TMEM117: variants seen among roughly 807,000 people sequenced by gnomAD.
TMEM117 encodes the protein transmembrane protein 117.
In TMEM117, 27 loss-of-function variants were observed where a neutral mutation model predicts 52.4. The ratio of observed to expected loss-of-function variants is 0.51; its 90% confidence interval spans 0.38 to 0.71. The LOEUF is 0.71. Among genes scored for constraint, TMEM117 ranks in the 30% least tolerant of loss-of-function variants. The pLI is 0.00. For missense variants in TMEM117, 556 were observed against 630.5 expected (o/e 0.88, Z 1.26); for synonymous variants, 215 against 206.3 (o/e 1.04, Z -0.36).
chr12:44,027,980 C>T (rs117412474), intron 3 of TMEM117, among the ~76,000 whole-genome samples: 8,656 of 152,106 alleles, frequency 0.057, 359 homozygotes, highest in Middle Eastern at 0.11. Flanking sequence ...CCGAGGTGAG[C>T]GGATCACGAG....
intron 3 of TMEM117, among the ~76,000 whole-genome samples, chr12:44,006,733 C>G (rs761851246): frequency 2.0e-5 from 3 of 152,108 alleles, no homozygotes; most frequent in Non-Finnish European, 4.4e-5. Flanking sequence ...TATCTCATAG[C>G]TCCACTTTCA....
chr12:44,097,220 T>G (rs1234557084), intron 3 of TMEM117, among the ~76,000 whole-genome samples: 1 of 151,982 alleles, frequency 6.6e-6, no homozygotes, highest in Non-Finnish European at 1.5e-5. Context: ...AAACAACAGG[T>G]GCTGGAGAGG....
At chr12:43,925,073 C>T (rs1041712265) in intron 2 of TMEM117, among the ~76,000 whole-genome samples, 13 of 152,102 alleles carry the variant, frequency 8.5e-5, no homozygotes, top group African/African-American at 2.7e-4. Context: ...TGATTGTCCT[C>T]GTGCCGTAAT....
chr12:44,331,265 A>G (rs1951267667), intron 6 of TMEM117, among the ~76,000 whole-genome samples: 1 of 151,482 alleles, frequency 6.6e-6, no homozygotes, highest in Middle Eastern at 3.2e-3. Context: ...AAACTCTTTG[A>G]TCATCTAAAT....
intron 4 of TMEM117, among the ~76,000 whole-genome samples, chr12:44,180,022 T>C (rs550989839): frequency 1.3e-5 from 2 of 152,126 alleles, no homozygotes; most frequent in African/African-American, 4.8e-5. Flanking sequence ...AAAGAAGGTT[T>C]ATAACTAACA....
chr12:44,246,210 T>C (rs1042767067), intron 5 of TMEM117, among the ~76,000 whole-genome samples: 1 of 152,182 alleles, frequency 6.6e-6, no homozygotes, highest in Admixed American at 6.5e-5. Flanking sequence ...TATTTTGATA[T>C]ATGTTTGTAA....
chr12:43,975,271 A>G (rs1340093626), intron 3 of TMEM117, among the ~76,000 whole-genome samples: 1 of 152,174 alleles, frequency 6.6e-6, no homozygotes, highest in African/African-American at 2.4e-5. Flanking sequence ...AGGAAAAATA[A>G]AATTAGTTCT....
rs1031932481 is a variant in TMEM117, at chr12:44,389,134, A to G, written c.*462A>G. 6.3e-6 allele frequency: 1 copy of G among 158,948 alleles called. No homozygotes were observed. The highest frequency in any genetic ancestry group is 2.4e-5 in the African/African-American group (1 of 41,474). The allele number at this position is 158,948 out of a possible 1,614,324, so 9.8% of individuals were successfully genotyped here. A position where few individuals can be genotyped will look rare whatever the true frequency, so the allele number is the denominator to read the frequency against. The stretch of plus-strand genomic sequence containing the variant: ...AATAGCTAAATGTGACTCAGGAAGT[A>G]TCTCTTGGTTTCTTATTCAGCAGCA... On this transcript the variant is annotated 3_prime_UTR_variant, in exon 8 of 8. Transcript: ENST00000266534.
chr12:43,830,042 T>TG, the TMEM117 span, among the ~76,000 whole-genome samples: 1 of 143,022 alleles, frequency 7.0e-6, no homozygotes, highest in African/African-American at 2.6e-5. Context: ...GAGGCGAGAT[T>TG]GCGCCACTGC....
At chr12:43,797,310 T>C in the TMEM117 span, 1 of 1,591,778 alleles carries the variant, frequency 6.3e-7, no homozygotes, top group East Asian at 2.2e-5. Flanking sequence ...ACCTATGGAC[T>C]CTAAATAGTC....
rs193146620 is a variant in TMEM117, at chr12:44,332,019, G to C, written c.768+32280G>C. Among the ~76,000 whole-genome samples, 240 of 152,094 alleles carry C rather than the reference G, an allele frequency of 1.6e-3. 3 individuals are homozygous for C. Among genetic ancestry groups the C allele is most frequent in the African/African-American group, 5.4e-3 (223 of 41,512 alleles). ...TACCAATCATCAACTCTGTGCTAGAGGCATCACACTTATTTATCAATTTAT... is the reference window on the plus strand; with the variant it reads ...TACCAATCATCAACTCTGTGCTAGACGCATCACACTTATTTATCAATTTAT... On this transcript the variant is annotated intron_variant, in intron 6 of 7. Coordinates refer to ENST00000266534, the MANE Select transcript of TMEM117 (RefSeq NM_032256.3).
intron 2 of TMEM117, among the ~76,000 whole-genome samples, chr12:43,898,706 A>G (rs903371415): frequency 1.3e-5 from 2 of 152,172 alleles, no homozygotes; most frequent in African/African-American, 2.4e-5. Flanking sequence ...TTACTTCACA[A>G]TGTACAACAC....
chr12:44,077,119 G>A (rs11182413), intron 3 of TMEM117, among the ~76,000 whole-genome samples: 4,115 of 152,194 alleles, frequency 0.027, 110 homozygotes, highest in African/African-American at 0.066. Flanking sequence ...AAATACCCAC[G>A]CAGGCTTAGC....
At chr12:44,115,869 C>T (rs1948133424) in intron 3 of TMEM117, among the ~76,000 whole-genome samples, 1 of 152,106 alleles carries the variant, frequency 6.6e-6, no homozygotes, top group Non-Finnish European at 1.5e-5. Flanking sequence ...GATAAAGTGC[C>T]TTCTGGATCA....
At chr12:44,014,726 G>A (rs540249054) in intron 3 of TMEM117, among the ~76,000 whole-genome samples, 3 of 152,146 alleles carry the variant, frequency 2.0e-5, no homozygotes, top group Middle Eastern at 3.4e-3. Context: ...GTTGGTTACT[G>A]CTATTTTTTC....
chr12:44,040,500 A>G lies in TMEM117; in HGVS notation c.410+96158A>G, dbSNP rs554619858. On this transcript the variant is annotated intron_variant, in intron 3 of 7. Transcript: ENST00000266534. ...TTTATATTTGTTCTTACATCTGGCAAACAGGCTAAAATTTCTTCATAATTT... is the reference window on the plus strand; with the variant it reads ...TTTATATTTGTTCTTACATCTGGCAGACAGGCTAAAATTTCTTCATAATTT... 1.6e-4 allele frequency among the ~76,000 whole-genome samples: 25 copies of G among 152,268 alleles called. No individual in the cohort carries two copies. The South Asian group carries it at 5.0e-3, about 30-fold the overall frequency.
At chr12:44,214,791 A>T (rs1328096825) in intron 5 of TMEM117, among the ~76,000 whole-genome samples, 1 of 152,196 alleles carries the variant, frequency 6.6e-6, no homozygotes, top group Non-Finnish European at 1.5e-5. Context: ...CATTTAGATT[A>T]TCTTGACAAT....
At chr12:44,114,487 T>C (rs17094097) in intron 3 of TMEM117, among the ~76,000 whole-genome samples, 16,479 of 152,218 alleles carry the variant, frequency 0.11, 2,482 homozygotes, top group African/African-American at 0.34. Context: ...AGAGAACCTT[T>C]TTCTGTATAG....
rs929872980 is a variant in TMEM117 at position 44,363,381 on chromosome 12, C to T, written c.769-13214C>T. On this transcript the variant is annotated intron_variant, in intron 6 of 7. Coordinates refer to ENST00000266534, the MANE Select transcript of TMEM117 (RefSeq NM_032256.3). ...AGAACAGTGCATCAATTACAGTACC[C>T]AGCTAGAAGGGTGGCAAGCAAAATA... Among the ~76,000 whole-genome samples, 3 of 152,094 alleles carry T rather than the reference C, an allele frequency of 2.0e-5. No individual in the cohort carries two copies. In the South Asian group the frequency reaches 6.2e-4, roughly 31 times the overall value.
Sources: allele counts gnomAD v4.1 joint callset (sites outside exome capture counted in the v4.1 genomes callset), GRCh38; gene constraint gnomAD v4.1.1; transcripts MANE v1.5; gene names NCBI Gene and HGNC (gene_info 2026-07-23, HGNC 2026-07-21).